DIP2B: variants seen among roughly 807,000 people sequenced by gnomAD.
DIP2B encodes the protein DIP2 acetate--CoA ligase B (putative), also known as disco-interacting protein 2 homolog B.
In DIP2B, 76 loss-of-function variants were observed where a neutral mutation model predicts 198.0. The ratio of observed to expected loss-of-function variants is 0.38; its 90% CI spans 0.32 to 0.46. The LOEUF (loss-of-function observed/expected upper bound fraction) is 0.46, where lower values mean the gene tolerates loss of function less well. Among genes scored for constraint, DIP2B ranks in the 20% least tolerant of loss-of-function variants. The probability of loss-of-function intolerance (pLI) is 0.99; values close to 1 mark genes in which losing one functional copy is unlikely to be tolerated. For synonymous variants in DIP2B, 701 were observed against 739.1 expected (o/e 0.95, Z 0.84); for missense variants, 1,559 against 1,978.4 (o/e 0.79, Z 4.02).
chr12:50,512,773 A>G (rs969384811), intron 1 of DIP2B, among the ~76,000 whole-genome samples: 5 of 152,210 alleles, frequency 3.3e-5, no homozygotes, highest in African/African-American at 1.2e-4. Flanking sequence ...TGGGAGGCGG[A>G]GCCGGGTGGA....
At chr12:50,514,065 C>CTTT (rs71083583) in intron 1 of DIP2B, among the ~76,000 whole-genome samples, 3 of 118,812 alleles carry the variant, frequency 2.5e-5, no homozygotes, top group African/African-American at 3.1e-5. Context: ...ACTCAGTTGT[C>CTTT]TTTTTTTTTT....
At chr12:50,704,979 T>G (rs969779844) in intron 20 of DIP2B, among the ~76,000 whole-genome samples, 40 of 151,800 alleles carry the variant, frequency 2.6e-4, no homozygotes, top group South Asian at 2.1e-4. Flanking sequence ...CAAAAAAGTT[T>G]GTTATTCAGA....
chr12:50,538,690 T>C (rs888242913), intron 1 of DIP2B, among the ~76,000 whole-genome samples: 3 of 152,196 alleles, frequency 2.0e-5, no homozygotes, highest in Admixed American at 1.3e-4. Flanking sequence ...TTCTCTTTTG[T>C]ATAACAAAAA....
intron 1 of DIP2B, among the ~76,000 whole-genome samples, chr12:50,586,315 T>A (rs1234715267): frequency 6.6e-6 from 1 of 151,886 alleles, no homozygotes; most frequent in Non-Finnish European, 1.5e-5. Context: ...AGAGCCTGGG[T>A]TATTTGGAGG....
intron 3 of DIP2B, among the ~76,000 whole-genome samples, chr12:50,647,654 C>T: frequency 6.6e-6 from 1 of 152,152 alleles, no homozygotes; most frequent in African/African-American, 2.4e-5. Flanking sequence ...CTTTATGACT[C>T]AACCCACCTA....
Position 50,675,322 on chromosome 12 carries a change from C to T in DIP2B, c.797-7C>T. On this transcript the variant is annotated splice_region_variant and splice_polypyrimidine_tract_variant and intron_variant, in intron 6 of 37. Transcript: ENST00000301180. ...GAATTTTAACTTAACCATTTTTTCC[C>T]TTATAGGTGTTCCTGTCAGTAGCAG... The T allele has an allele frequency of 6.2e-7, 1 of 1,609,810 alleles. No homozygotes were observed. Among genetic ancestry groups the T allele is most frequent in the East Asian group, 2.2e-5 (1 of 44,818 alleles).
chr12:50,544,025 C>T (rs529187135), intron 1 of DIP2B, among the ~76,000 whole-genome samples: 13 of 149,786 alleles, frequency 8.7e-5, no homozygotes, highest in East Asian at 5.9e-4. Flanking sequence ...GTCAGGACAT[C>T]GAGACCATCC....
intron 3 of DIP2B, 89 bp from the exon 4 acceptor site, chr12:50,660,105 T>C: frequency 8.4e-7 from 1 of 1,190,188 alleles, no homozygotes; most frequent in Non-Finnish European, 1.1e-6. Context: ...TTTTTTTTTT[T>C]AAACAATTGA....
At chr12:50,658,412 C>T (rs1024771759) in intron 3 of DIP2B, among the ~76,000 whole-genome samples, 1 of 152,146 alleles carries the variant, frequency 6.6e-6, no homozygotes, top group African/African-American at 2.4e-5. Context: ...GCTGGGATTA[C>T]AGGTGTGAGC....
chr12:50,690,003 C>G (rs990037087), intron 12 of DIP2B, among the ~76,000 whole-genome samples: 2 of 152,132 alleles, frequency 1.3e-5, no homozygotes, highest in African/African-American at 4.8e-5. Context: ...TTAATTATCT[C>G]AGTTGACTGT....
intron 1 of DIP2B, among the ~76,000 whole-genome samples, chr12:50,517,843 T>C (rs1958079463): frequency 6.6e-6 from 1 of 152,236 alleles, no homozygotes; most frequent in Non-Finnish European, 1.5e-5. Context: ...TTTTGCCCGG[T>C]TAACTTCTGT....
chr12:50,675,868 C>T (rs1938937592), intron 7 of DIP2B, among the ~76,000 whole-genome samples: 1 of 152,144 alleles, frequency 6.6e-6, no homozygotes, highest in South Asian at 2.1e-4. Flanking sequence ...TTTCTGCTTT[C>T]TACAAGGCAG....
intron 1 of DIP2B, among the ~76,000 whole-genome samples, chr12:50,601,395 A>T (rs562070495): frequency 6.6e-4 from 100 of 151,400 alleles, no homozygotes; most frequent in Non-Finnish European, 1.3e-3. Context: ...CCCAGACTGG[A>T]GTGCAGTGGC....
At position 50,691,108 on chromosome 12, in the gene DIP2B, G is replaced by T. The variant is rs1335773005; in HGVS notation, c.1611G>T (p.Leu537Phe). The change falls in exon 13 of 38, where the codon TTG becomes TTT. Residue 537 changes from leucine (L) to phenylalanine (F), a missense_variant. Transcript: ENST00000301180. ...MGVTVSRLAM[L>F]SHCQALSQAC... is the part of the protein sequence containing the mutation. The stretch of plus-strand genomic sequence containing the variant: ...TTACAGTATCCCGGCTTGCAATGTT[G>T]TCTCACTGCCAAGCTCTGTCGCAGG... The T allele has an allele frequency of 1.2e-6, 2 of 1,613,966 alleles. No homozygotes were observed. Among genetic ancestry groups the T allele is most frequent in the Middle Eastern group, 1.6e-4 (1 of 6,084 alleles).
At chr12:50,695,787 G>T (rs1324835352) in intron 15 of DIP2B, 61 bp from the exon 16 acceptor site, 14 of 1,585,256 alleles carry the variant, frequency 8.8e-6, no homozygotes, top group Admixed American at 1.8e-5. Flanking sequence ...TTTTATTGTG[G>T]TGTATTACAT....
intron 28 of DIP2B, among the ~76,000 whole-genome samples, chr12:50,725,342 C>G (rs1043939031): frequency 6.6e-6 from 1 of 152,136 alleles, no homozygotes; most frequent in Non-Finnish European, 1.5e-5. Context: ...ACTGCCTACC[C>G]CTGCCTGACT....
intron 3 of DIP2B, among the ~76,000 whole-genome samples, chr12:50,653,232 A>AT (rs953297134): frequency 3.1e-4 from 45 of 145,138 alleles, no homozygotes; most frequent in African/African-American, 1.1e-3. Flanking sequence ...TTTTTTCATG[A>AT]TTCGGTCTTG....
chr12:50,736,462 A>C (rs1052361885), intron 34 of DIP2B, among the ~76,000 whole-genome samples: 33 of 152,208 alleles, frequency 2.2e-4, no homozygotes, highest in African/African-American at 7.7e-4. Flanking sequence ...TTCTTTTGTT[A>C]GAATGGCTGA....
intron 1 of DIP2B, among the ~76,000 whole-genome samples, chr12:50,570,573 G>C (rs1958603968): frequency 6.6e-6 from 1 of 152,154 alleles, no homozygotes; most frequent in South Asian, 2.1e-4. Context: ...AGCCAGGTGT[G>C]GTGGCACATG....
Sources: allele counts gnomAD v4.1 joint callset (sites outside exome capture counted in the v4.1 genomes callset), GRCh38; gene constraint gnomAD v4.1.1; transcripts MANE v1.5; gene names NCBI Gene and HGNC (gene_info 2026-07-23, HGNC 2026-07-21).